PLCE1: variants seen among roughly 807,000 people sequenced by gnomAD.
The protein encoded by PLCE1 is 1-phosphatidylinositol 4,5-bisphosphate phosphodiesterase epsilon-1.
Under a neutral mutation model 242.8 loss-of-function variants are expected in PLCE1, and 119 were observed. The ratio of observed to expected loss-of-function variants is 0.49; its 90% CI spans 0.42 to 0.57. PLCE1 has a LOEUF of 0.57. PLCE1 is among the 20% of genes least tolerant of loss of function. PLCE1 has a pLI of 0.00. For missense variants in PLCE1, 2,441 were observed against 2,788.8 expected, an observed-to-expected ratio of 0.88 and a Z score of 2.81; for synonymous variants, 945 against 1,017.4, an observed-to-expected ratio of 0.93 and a Z score of 1.35.
intron 2 of PLCE1, chr10:94,088,140 A>G (rs1274785632): frequency 6.6e-6 from 1 of 152,220 alleles, no homozygotes; most frequent in Non-Finnish European, 1.5e-5. Context: ...GCTTACCACT[A>G]CTTGATCTCT....
intron 8 of PLCE1, among the ~76,000 whole-genome samples, chr10:94,251,715 T>G (rs1041963509): frequency 1.3e-5 from 2 of 152,134 alleles, no homozygotes; most frequent in Non-Finnish European, 2.9e-5. Context: ...GCTCAGAGCA[T>G]CCTAATATGT....
chr10:94,132,214 T>C lies in PLCE1; in HGVS notation c.1247T>C (p.Val416Ala), dbSNP rs2046619145. The C allele has an allele frequency of 1.9e-6, 3 of 1,614,002 alleles. No individual in the cohort carries two copies. Among genetic ancestry groups the C allele is most frequent in the Non-Finnish European group, 1.7e-6 (2 of 1,180,004 alleles). ...AGAAGAGAAGAAACAGAAAATACAGTTGGATCTCTACTCCATTTCCTCACC... is the reference window on the plus strand; with the variant it reads ...AGAAGAGAAGAAACAGAAAATACAGCTGGATCTCTACTCCATTTCCTCACC... ...AVRREETENT[V>A]GSLLHFLTKL... Residue 416 changes from valine (V) to alanine (A), a missense_variant, in exon 3 of 33, where the codon GTT (valine) becomes GCT (alanine). Physicochemically the swap from Val to Ala is moderately conservative, Grantham distance 64 (BLOSUM62 0). Transcript: ENST00000371380.
At chr10:94,241,453 AAAC>A (rs1172751588) in intron 7 of PLCE1, among the ~76,000 whole-genome samples, 1 of 152,150 alleles carries the variant, frequency 6.6e-6, no homozygotes, top group Non-Finnish European at 1.5e-5. Context: ...TTTGCTCTTA[AAAC>A]AACAAGAAGT....
intron 24 of PLCE1, among the ~76,000 whole-genome samples, chr10:94,304,142 TATTTCACA>T (rs2053127620): frequency 1.3e-5 from 2 of 152,176 alleles, no homozygotes; most frequent in Non-Finnish European, 2.9e-5. Flanking sequence ...TGGTCAACTG[TATTTCACA>T]AGATTTTTCA....
chr10:94,318,713 T>C (rs2133823300), intron 29 of PLCE1, among the ~76,000 whole-genome samples: 1 of 152,232 alleles, frequency 6.6e-6, no homozygotes. Context: ...GGAAGCTTCA[T>C]TTTATGCTCA....
chr10:94,236,196 C>G, intron 7 of PLCE1, 76 bp downstream of exon 7: 1 of 1,282,716 alleles, frequency 7.8e-7, no homozygotes, highest in East Asian at 2.5e-5. Context: ...CCTACTTCAG[C>G]TTAGTTTCAG....
intron 3 of PLCE1, among the ~76,000 whole-genome samples, chr10:94,148,263 G>A (rs2047174250): frequency 6.6e-6 from 1 of 152,194 alleles, no homozygotes; most frequent in African/African-American, 2.4e-5. Flanking sequence ...CAAAGGCTTA[G>A]ATGCAGGATA....
intron 3 of PLCE1, among the ~76,000 whole-genome samples, chr10:94,155,953 G>A (rs1021511962): frequency 2.0e-5 from 3 of 152,048 alleles, no homozygotes; most frequent in East Asian, 3.9e-4. Flanking sequence ...GCCCAGCCTA[G>A]AAAATAAATG....
At chr10:94,021,200 G>A (rs368790507) in intron 1 of PLCE1, among the ~76,000 whole-genome samples, 174 of 150,148 alleles carry the variant, frequency 1.2e-3, no homozygotes, top group African/African-American at 3.9e-3. Flanking sequence ...ATTTTCTCCC[G>A]GTCTGTGTCT....
chr10:94,230,059 G>A (rs1383154194), intron 5 of PLCE1, among the ~76,000 whole-genome samples: 3 of 152,022 alleles, frequency 2.0e-5, no homozygotes, highest in Non-Finnish European at 4.4e-5. Flanking sequence ...TATTTTTTAA[G>A]CAATTAAATG....
At chr10:94,216,723 A>T (rs914544410) in intron 4 of PLCE1, among the ~76,000 whole-genome samples, 1 of 152,074 alleles carries the variant, frequency 6.6e-6, no homozygotes, top group Non-Finnish European at 1.5e-5. Flanking sequence ...TTTTAGATAC[A>T]TGACAGAATA....
At chr10:94,090,864 G>T (rs1469967024) in intron 2 of PLCE1, among the ~76,000 whole-genome samples, 2 of 152,140 alleles carry the variant, frequency 1.3e-5, no homozygotes, top group African/African-American at 4.8e-5. Context: ...TAATAGTAAG[G>T]TTGGCTTGAG....
chr10:94,315,815 T>C (rs1019050042), intron 28 of PLCE1, among the ~76,000 whole-genome samples: 1 of 151,920 alleles, frequency 6.6e-6, no homozygotes, highest in East Asian at 1.9e-4. Flanking sequence ...TCATCTTTAT[T>C]GAGTTCACCT....
chr10:94,255,516 C>T (rs1007619260), intron 11 of PLCE1, among the ~76,000 whole-genome samples: 6 of 152,052 alleles, frequency 3.9e-5, no homozygotes, highest in South Asian at 2.1e-4. Context: ...CTGCTCTAAA[C>T]GAAGAAGAGA....
chr10:94,149,749 T>C (rs944745937), intron 3 of PLCE1, among the ~76,000 whole-genome samples: 16 of 152,148 alleles, frequency 1.1e-4, no homozygotes, highest in African/African-American at 3.6e-4. Flanking sequence ...TTGATTCTCT[T>C]TGGCGCCCAG....
At chr10:94,300,285 C>A (rs1325842700) in intron 24 of PLCE1, among the ~76,000 whole-genome samples, 2 of 152,212 alleles carry the variant, frequency 1.3e-5, no homozygotes, top group Non-Finnish European at 2.9e-5. Context: ...CTCCATGGGC[C>A]ATCCTGCAGT....
intron 3 of PLCE1, among the ~76,000 whole-genome samples, chr10:94,170,818 C>T (rs907747821): frequency 6.6e-6 from 1 of 152,186 alleles, no homozygotes; most frequent in Non-Finnish European, 1.5e-5. Flanking sequence ...TATACCTACC[C>T]TCATTTCATG....
chr10:94,095,994 T>C (rs1207576683), intron 2 of PLCE1, among the ~76,000 whole-genome samples: 1 of 152,160 alleles, frequency 6.6e-6, no homozygotes, highest in African/African-American at 2.4e-5. Flanking sequence ...GCTGTCATCT[T>C]CAGCTGTTAT....
At chr10:94,187,833 A>C (rs942517703) in intron 4 of PLCE1, among the ~76,000 whole-genome samples, 6 of 152,198 alleles carry the variant, frequency 3.9e-5, no homozygotes, top group Non-Finnish European at 8.8e-5. Context: ...TTTGAAAGTT[A>C]GACAGACACT....
Sources: gnomAD v4.1 joint callset for allele counts (sites outside exome capture counted in the v4.1 genomes callset) on GRCh38, gnomAD v4.1.1 for gene constraint, MANE v1.5 for transcripts, NCBI Gene and HGNC (gene_info 2026-07-23, HGNC 2026-07-21) for gene names.